Variants in AGR3 observed in about 807,000 individuals in gnomAD.
AGR3 encodes the protein anterior gradient 3, protein disulphide isomerase family member, also known as anterior gradient protein 3.
AGR3 carries 37 observed loss-of-function variants against 24.5 expected under a neutral mutation model. That is an observed-to-expected ratio of 1.51 (90% confidence interval 1.16 to 1.99). AGR3 has a LOEUF of 1.99. AGR3 is among the 30% of genes most tolerant of loss of function. The pLI is 0.00. For synonymous variants in AGR3, 75 were observed against 61.6 expected (o/e 1.22, Z -1.02); for missense variants, 228 against 191.1 (o/e 1.19, Z -1.14).
intron 3 of AGR3, chr7:16,865,777 C>T: frequency 1.3e-6 from 1 of 750,850 alleles, no homozygotes; most frequent in Non-Finnish European, 2.5e-6. Context: ...CAGTATGAAA[C>T]ATTTCCTTGA....
Position 16,860,593 on chromosome 7 carries a change from A to G in AGR3, c.368-10T>C, listed in dbSNP as rs542255848. On this transcript the variant is annotated splice_polypyrimidine_tract_variant and intron_variant, in intron 6 of 7. Coordinates refer to ENST00000310398, the MANE Select transcript of AGR3 (RefSeq NM_176813.5). ...ACTGTTAAAGAAGGGTCTGTCAAGG[A>G]AAAAACCAAGTCACGAAAGTATAAT... 13 of 1,598,554 alleles carry G rather than the reference A, an allele frequency of 8.1e-6. No individual in the cohort carries two copies. In the East Asian group the frequency reaches 2.7e-4, roughly 33 times the overall value.
At chr7:16,866,843 G>A (rs960709309) in intron 3 of AGR3, among the ~76,000 whole-genome samples, 2 of 151,958 alleles carry the variant, frequency 1.3e-5, no homozygotes. Flanking sequence ...CTTCTAATAT[G>A]TGCTGCAGTT....
chr7:16,865,090 T>A (rs1434746569), intron 3 of AGR3: 3 of 757,924 alleles, frequency 4.0e-6, no homozygotes, highest in Non-Finnish European at 7.2e-6. Context: ...GATGCTCTTT[T>A]ACTGTATAAA....
downstream of AGR3, among the ~76,000 whole-genome samples, chr7:16,855,943 A>G (rs1188255391): frequency 6.6e-6 from 1 of 151,978 alleles, no homozygotes; most frequent in African/African-American, 2.4e-5. Context: ...CATCCCCTAT[A>G]ATATACCTGA....
intron 2 of AGR3, among the ~76,000 whole-genome samples, chr7:16,875,071 C>T (rs967532473): frequency 8.1e-5 from 12 of 148,412 alleles, no homozygotes; most frequent in African/African-American, 2.3e-4. Flanking sequence ...GCCAAGATTG[C>T]GCCACTGCTC....
intron 1 of AGR3, among the ~76,000 whole-genome samples, chr7:16,878,941 A>G (rs189397398): frequency 2.0e-5 from 3 of 152,350 alleles, no homozygotes; most frequent in African/African-American, 7.2e-5. Flanking sequence ...ACCGCCCTGT[A>G]GTGTTCACAC....
At chr7:16,866,118 C>G (rs1022464017) in intron 3 of AGR3, 1 of 554,074 alleles carries the variant, frequency 1.8e-6, no homozygotes, top group Non-Finnish European at 3.4e-6. Context: ...TCCTATTTTT[C>G]TAGCTGGAAA....
At chr7:16,855,717 T>C (rs923277288), downstream of AGR3, among the ~76,000 whole-genome samples, 20 of 152,216 alleles carry the variant, frequency 1.3e-4, no homozygotes, top group Admixed American at 1.1e-3. Flanking sequence ...AGGAGGTTCA[T>C]GAATATACAT....
intron 7 of AGR3, 88 bp from the exon 8 acceptor site, chr7:16,859,719 C>T (rs1024738922): frequency 1.2e-6 from 1 of 814,480 alleles, no homozygotes; most frequent in Non-Finnish European, 1.9e-6. Context: ...GAAATTGGCC[C>T]ATTTAAATTA....
chr7:16,879,938 T>C (rs945960001), intron 1 of AGR3, among the ~76,000 whole-genome samples: 3 of 152,122 alleles, frequency 2.0e-5, no homozygotes, highest in Admixed American at 2.0e-4. Flanking sequence ...TATACTGTTT[T>C]CCCCTTCCCA....
chr7:16,874,065 C>A (rs1562550769), intron 2 of AGR3, among the ~76,000 whole-genome samples: 2 of 152,106 alleles, frequency 1.3e-5, no homozygotes. Flanking sequence ...ACCTCGAGGC[C>A]CATGGCCTTG....
intron 5 of AGR3, 73 bp from the exon 6 acceptor site, chr7:16,861,520 G>T: frequency 7.8e-7 from 1 of 1,275,900 alleles, no homozygotes; most frequent in South Asian, 1.3e-5. Context: ...GATTTTGTGT[G>T]ACTGTCAGTA....
chr7:16,870,216 G>A (rs1027529747), intron 3 of AGR3, among the ~76,000 whole-genome samples: 1 of 151,648 alleles, frequency 6.6e-6, no homozygotes, highest in Non-Finnish European at 1.5e-5. Flanking sequence ...TTTTGGATGT[G>A]TTTTTCTATA....
At chr7:16,874,086 G>A (rs1474179941) in intron 2 of AGR3, among the ~76,000 whole-genome samples, 1 of 152,202 alleles carries the variant, frequency 6.6e-6, no homozygotes, top group Non-Finnish European at 1.5e-5. Flanking sequence ...AACCCAGTAA[G>A]TACTCAATAC....
intron 2 of AGR3, among the ~76,000 whole-genome samples, 173 bp downstream of exon 2, chr7:16,878,337 C>G (rs143640789): frequency 1.1e-3 from 167 of 152,206 alleles, no homozygotes; most frequent in African/African-American, 3.8e-3. Context: ...TGATTCACTG[C>G]CTAAAATAAA....
chr7:16,863,189 G>A (rs963483460), intron 3 of AGR3, among the ~76,000 whole-genome samples: 5 of 152,220 alleles, frequency 3.3e-5, no homozygotes, highest in Non-Finnish European at 5.9e-5. Flanking sequence ...TAATTCTTAT[G>A]TACTCTATAG....
chr7:16,866,526 A>G (rs752177432), intron 3 of AGR3, among the ~76,000 whole-genome samples: 1 of 152,142 alleles, frequency 6.6e-6, no homozygotes, highest in Non-Finnish European at 1.5e-5. Flanking sequence ...GTGCATTTAT[A>G]ATTCTGATAT....
Position 16,870,394 on chromosome 7 carries a change from A to G in AGR3, c.173+3386T>C, listed in dbSNP as rs538350634. Among the ~76,000 whole-genome samples the G allele has an allele frequency of 5.1e-4, 74 of 145,894 alleles. 1 individual carries two copies. The South Asian group carries it at 0.014, about 28-fold the overall frequency. On this transcript the variant is annotated intron_variant, in intron 3 of 7. Transcript: ENST00000310398. ...TCTACATTTTCTACTTTTTCCTTCT[A>G]TAATTGTGTTAGTACTTCAGAAAAA...
chr7:16,856,533 A>C (rs937049427), downstream of AGR3, among the ~76,000 whole-genome samples: 2 of 152,204 alleles, frequency 1.3e-5, no homozygotes, highest in Non-Finnish European at 2.9e-5. Context: ...CCTTATTTAA[A>C]TTTAACTGGA....
Sources: gnomAD v4.1 joint callset for allele counts (sites outside exome capture counted in the v4.1 genomes callset) on GRCh38, gnomAD v4.1.1 for gene constraint, MANE v1.5 for transcripts, NCBI Gene and HGNC (gene_info 2026-07-23, HGNC 2026-07-21) for gene names.